The following SMAP1 variants were observed in gnomAD, a reference collection of about 807,000 sequenced individuals.
SMAP1 encodes stromal membrane-associated protein 1.
SMAP1 carries 24 observed loss-of-function variants against 58.5 expected under a neutral mutation model. The ratio of observed to expected loss-of-function variants is 0.41; its 90% CI spans 0.30 to 0.58. The LOEUF is 0.58. SMAP1 is among the 20% of genes least tolerant of loss of function. The pLI, the probability that SMAP1 is intolerant of heterozygous loss-of-function variation, is 0.29. For synonymous variants in SMAP1, 216 were observed against 196.6 expected (o/e 1.10, Z -0.82); for missense variants, 563 against 566.3 (o/e 0.99, Z 0.06).
At chr6:70,771,151 C>G (rs769277845) in intron 3 of SMAP1, among the ~76,000 whole-genome samples, 2 of 152,230 alleles carry the variant, frequency 1.3e-5, no homozygotes, top group Non-Finnish European at 2.9e-5. Context: ...AAGTGACAGT[C>G]TGCCCCTACT....
chr6:70,706,688 T>A (rs1417861988), intron 1 of SMAP1, among the ~76,000 whole-genome samples: 1 of 152,024 alleles, frequency 6.6e-6, no homozygotes, highest in Non-Finnish European at 1.5e-5. Flanking sequence ...AATGAAAAAA[T>A]ATATTAAACT....
At chr6:70,675,198 G>GTT (rs67744035) in intron 1 of SMAP1, among the ~76,000 whole-genome samples, 34 of 109,944 alleles carry the variant, frequency 3.1e-4, no homozygotes, top group Middle Eastern at 5.4e-3. Flanking sequence ...ATTATATAGT[G>GTT]TTTTTTTTTT....
At chr6:70,808,119 G>A (rs1466951320) in intron 6 of SMAP1, among the ~76,000 whole-genome samples, 1 of 152,130 alleles carries the variant, frequency 6.6e-6, no homozygotes, top group South Asian at 2.1e-4. Context: ...GACTGAGGGG[G>A]AAGAAGAAGA....
chr6:70,696,910 G>T (rs1201090738), intron 1 of SMAP1, among the ~76,000 whole-genome samples: 1 of 152,076 alleles, frequency 6.6e-6, no homozygotes, highest in Admixed American at 6.5e-5. Context: ...TTATATATTT[G>T]GGTTTTACAG....
At position 70,719,534 on chromosome 6, in the gene SMAP1, T is replaced by C. The variant is rs118171209; in HGVS notation, c.119-12844T>C. Among the ~76,000 whole-genome samples, 1,353 of 152,312 alleles carry C rather than the reference T, an allele frequency of 8.9e-3. 17 individuals carry two copies. Among genetic ancestry groups the C allele is most frequent in the Non-Finnish European group, 0.015 (1,009 of 68,016 alleles). On this transcript the variant is annotated intron_variant, in intron 1 of 10. Transcript: ENST00000370455. ...CACACCCATTTCCCCCCTGAACTTA[T>C]AGCCAAAATGCTCCTATATCCCTGA...
intron 1 of SMAP1, among the ~76,000 whole-genome samples, chr6:70,689,671 C>A (rs1767076596): frequency 1.3e-5 from 2 of 152,162 alleles, no homozygotes; most frequent in Admixed American, 6.5e-5. Flanking sequence ...GAATTGACAT[C>A]TTTTAATATA....
chr6:70,714,716 A>T (rs958738702), intron 1 of SMAP1, among the ~76,000 whole-genome samples: 1 of 151,856 alleles, frequency 6.6e-6, no homozygotes, highest in African/African-American at 2.4e-5. Flanking sequence ...AAAAACAAAA[A>T]AAACATTATG....
At chr6:70,677,811 C>G (rs1766547653) in intron 1 of SMAP1, among the ~76,000 whole-genome samples, 1 of 152,118 alleles carries the variant, frequency 6.6e-6, no homozygotes, top group Non-Finnish European at 1.5e-5. Context: ...TTATCCCAAG[C>G]TATATCACAC....
chr6:70,855,716 A>G (rs1351185051), intron 8 of SMAP1, among the ~76,000 whole-genome samples: 1 of 152,216 alleles, frequency 6.6e-6, no homozygotes, highest in Non-Finnish European at 1.5e-5. Context: ...TACCACAGAA[A>G]GTCATGGGGG....
chr6:70,809,979 A>G (rs1186514259), intron 6 of SMAP1, among the ~76,000 whole-genome samples: 2 of 152,182 alleles, frequency 1.3e-5, no homozygotes, highest in African/African-American at 2.4e-5. Context: ...AGTTGCTGTT[A>G]ACAACTCCTC....
At chr6:70,673,000 T>G (rs915303147) in intron 1 of SMAP1, among the ~76,000 whole-genome samples, 27 of 151,990 alleles carry the variant, frequency 1.8e-4, no homozygotes, top group African/African-American at 6.5e-4. Flanking sequence ...TAGTGAGGAT[T>G]GCAGGCAAAT....
chr6:70,842,581 TGAGAG>T (rs1278629296), intron 7 of SMAP1, among the ~76,000 whole-genome samples: 2 of 152,168 alleles, frequency 1.3e-5, no homozygotes, highest in East Asian at 3.9e-4. Context: ...TGTTAGGTGT[TGAGAG>T]GAGTAAAATT....
intron 10 of SMAP1, 76 bp downstream of exon 10, chr6:70,858,305 T>G (rs1353273160): frequency 3.1e-6 from 4 of 1,302,172 alleles, no homozygotes; most frequent in East Asian, 2.6e-5. Flanking sequence ...TTTTTTTTTT[T>G]TTTTTTTTTT....
In SMAP1 at chr6:70,860,449, A is replaced by G; in HGVS notation, c.*115A>G. The G allele has an allele frequency of 8.1e-7, 1 of 1,237,778 alleles. No individual in the cohort carries two copies. The highest frequency in any genetic ancestry group is 1.1e-6 in the Non-Finnish European group (1 of 905,664). 76.7% of individuals were successfully genotyped at this position (1,237,778 alleles called of 1,614,324 possible). A position where few individuals can be genotyped will look rare whatever the true frequency, so the allele number is the denominator to read the frequency against. On this transcript the variant is annotated 3_prime_UTR_variant, in exon 11 of 11. Transcript: ENST00000370455. ...TTTTTCTTTTTACCCATTTGTTCAT[A>G]TTAAGAATGATCTGATTGACCGTGT...
At chr6:70,813,017 A>T (rs983591797) in intron 6 of SMAP1, among the ~76,000 whole-genome samples, 13 of 152,206 alleles carry the variant, frequency 8.5e-5, no homozygotes, top group South Asian at 4.1e-4. Context: ...GGAAAAAATA[A>T]AAAGGAAAAT....
chr6:70,671,837 A>G (rs1766278982), intron 1 of SMAP1, among the ~76,000 whole-genome samples: 1 of 152,190 alleles, frequency 6.6e-6, no homozygotes, highest in Non-Finnish European at 1.5e-5. Context: ...ATTCCATTGT[A>G]TGGATAGACC....
intron 2 of SMAP1, among the ~76,000 whole-genome samples, chr6:70,750,621 A>G (rs1188112842): frequency 2.0e-5 from 3 of 152,196 alleles, no homozygotes; most frequent in African/African-American, 4.8e-5. Flanking sequence ...CAGCAATTCA[A>G]AAAGTATTTT....
At chr6:70,798,589 T>C (rs1323435495) in intron 5 of SMAP1, 68 bp from the exon 6 acceptor site, 5 of 1,216,076 alleles carry the variant, frequency 4.1e-6, no homozygotes, top group Non-Finnish European at 5.7e-6. Flanking sequence ...CTCAAACTAA[T>C]AAGGATGAGT....
intron 4 of SMAP1, among the ~76,000 whole-genome samples, chr6:70,780,759 C>T (rs1005522287): frequency 2.0e-5 from 3 of 152,164 alleles, no homozygotes; most frequent in Admixed American, 1.3e-4. Flanking sequence ...TTTTCTCTTT[C>T]CCCTTGCGCC....
Sources: gnomAD v4.1 joint callset for allele counts (sites outside exome capture counted in the v4.1 genomes callset) on GRCh38, gnomAD v4.1.1 for gene constraint, MANE v1.5 for transcripts, NCBI Gene and HGNC (gene_info 2026-07-23, HGNC 2026-07-21) for gene names.